Variants in DCAF1 observed in about 807,000 individuals in gnomAD.
DCAF1 encodes DDB1- and CUL4-associated factor 1.
A neutral mutation model predicts 128.0 loss-of-function variants in DCAF1; 15 were observed. The observed-to-expected ratio is 0.12, with a 90% CI of 0.08 to 0.18. DCAF1 has a LOEUF of 0.18. DCAF1 is among the 10% of genes least tolerant of loss of function. The pLI is 1.00. For synonymous variants in DCAF1, 610 were observed against 603.0 expected (o/e 1.01, Z -0.17); for missense variants, 988 against 1,649.5 (o/e 0.60, Z 6.95).
chr3:51,435,872 CA>C (rs1265893442), intron 9 of DCAF1, among the ~76,000 whole-genome samples: 2 of 152,010 alleles, frequency 1.3e-5, no homozygotes, highest in African/African-American at 4.8e-5. Flanking sequence ...CAGCAAAGAA[CA>C]AAGACAAAAA....
intron 2 of DCAF1, among the ~76,000 whole-genome samples, chr3:51,484,774 T>C (rs1420615359): frequency 9.4e-5 from 12 of 127,454 alleles, no homozygotes; most frequent in African/African-American, 2.1e-4. Context: ...CCTCCACCTC[T>C]CGGGTTCAAG....
At chr3:51,480,512 T>G (rs898226514) in intron 3 of DCAF1, among the ~76,000 whole-genome samples, 2 of 151,184 alleles carry the variant, frequency 1.3e-5, no homozygotes, top group Admixed American at 6.6e-5. Context: ...GGCAGGAGAA[T>G]TGCTTGAAGC....
Position 51,419,996 on chromosome 3 carries a change from T to G in DCAF1, c.2974A>C (p.Lys992Gln). The G allele has an allele frequency of 6.2e-7, 1 of 1,614,046 alleles. No individual in the cohort carries two copies. Among genetic ancestry groups the G allele is most frequent in the Non-Finnish European group, 8.5e-7 (1 of 1,179,898 alleles). The change falls in exon 15 of 25, where the codon AAA becomes CAA. Residue 992 changes from lysine (K) to glutamine (Q), a missense_variant. Lys to Gln is a moderately conservative substitution (Grantham distance 53, BLOSUM62 1). This residue lies in a region of DCAF1 where 105 missense variants were observed against 266.7 expected (regional missense o/e 0.39). Transcript: ENST00000684031. ...GAAGGAAGATGTCTGTCCAGCTGTTTTTTTATGGCTGGGCTTTGGCTGTAG... is the reference window on the plus strand; with the variant it reads ...GAAGGAAGATGTCTGTCCAGCTGTTGTTTTATGGCTGGGCTTTGGCTGTAG... ...GAYSQSPAIK[K>Q]QLDRHLPSPP...
rs1379095932 is a variant in DCAF1 at position 51,424,399 on chromosome 3, C to T, written c.1848-1968G>A. On this transcript the variant is annotated intron_variant, in intron 13 of 24. Transcript: ENST00000684031. ...GCCTGGGTGACAGAGCAAGACTCTG[C>T]CTCAAAAAAAAAAAAGAAAAAAAAA... Among the ~76,000 whole-genome samples the T allele has an allele frequency of 8.7e-5, 13 of 148,984 alleles. 1 individual carries two copies. The highest frequency in any genetic ancestry group is 8.7e-4 in the Admixed American group (13 of 14,922).
chr3:51,459,471 C>G (rs1703300059), intron 6 of DCAF1, among the ~76,000 whole-genome samples: 1 of 152,122 alleles, frequency 6.6e-6, no homozygotes. Flanking sequence ...CGAATTCTAC[C>G]AGAGGTACAA....
In DCAF1 at chr3:51,483,676, C is replaced by T. The variant is rs372389726; in HGVS notation, c.110+43G>A. The T allele has an allele frequency of 9.1e-5, 109 of 1,195,000 alleles. 1 individual carries two copies. In the East Asian group the frequency reaches 1.1e-3, roughly 13 times the overall value. The allele number at this position is 1,195,000 out of a possible 1,614,324, so 74.0% of individuals were successfully genotyped here. The stretch of plus-strand genomic sequence containing the variant: ...AGAAATCTAGCGTATGAGTTGTGTC[C>T]GAGGTTTTTTATTAAACTAGGTTTT... On this transcript the variant is annotated intron_variant, in intron 3 of 24. Coordinates refer to ENST00000684031, the MANE Select transcript of DCAF1 (RefSeq NM_001387579.1).
At chr3:51,416,965 A>G (rs1698940330) in intron 17 of DCAF1, 94 bp from the exon 18 acceptor site, 22 of 1,520,782 alleles carry the variant, frequency 1.4e-5, no homozygotes, top group Non-Finnish European at 1.8e-5. Context: ...CCTCTTGCAC[A>G]ATCACACTCA....
intron 2 of DCAF1, among the ~76,000 whole-genome samples, chr3:51,492,593 A>C (rs1707777324): frequency 6.6e-6 from 1 of 152,182 alleles, no homozygotes; most frequent in African/African-American, 2.4e-5. Context: ...CAAAACCATA[A>C]TGAGATATCA....
At chr3:51,470,334 G>A (rs1553648018) in intron 4 of DCAF1, among the ~76,000 whole-genome samples, 2 of 152,188 alleles carry the variant, frequency 1.3e-5, no homozygotes, top group Admixed American at 6.6e-5. Flanking sequence ...GCCCAGGCGG[G>A]AGGATAGCTT....
At chr3:51,504,397 G>T (rs1455038561), upstream of DCAF1, among the ~76,000 whole-genome samples, 1 of 151,906 alleles carries the variant, frequency 6.6e-6, no homozygotes, top group African/African-American at 2.4e-5. Context: ...CCCCAGGCTG[G>T]AGTGCAGTGA....
intron 16 of DCAF1, 32 bp from the exon 17 acceptor site, chr3:51,418,230 C>A (rs1553631111): frequency 1.9e-6 from 3 of 1,587,330 alleles, no homozygotes; most frequent in Non-Finnish European, 2.6e-6. Context: ...TGGGTAACCA[C>A]GTATTTACAT....
intron 6 of DCAF1, among the ~76,000 whole-genome samples, chr3:51,456,211 T>C (rs1702886408): frequency 6.6e-6 from 1 of 152,176 alleles, no homozygotes; most frequent in Non-Finnish European, 1.5e-5. Context: ...CCGACCCTAA[T>C]ACTGCGCTTT....
Position 51,398,844 on chromosome 3 carries a change from G to T in DCAF1, c.4466-17C>A. ...AGCTGTCAGCTGAAAGGGAAGAAAA[G>T]GGAGAGACAAGATTACACACTAGGC... is the stretch of plus-strand genomic sequence containing the variant. On this transcript the variant is annotated splice_polypyrimidine_tract_variant and intron_variant, in intron 24 of 24. Transcript: ENST00000684031. The T allele has an allele frequency of 6.3e-7, 1 of 1,575,426 alleles. No homozygotes were observed. The highest frequency in any genetic ancestry group is 1.2e-5 in the South Asian group (1 of 85,624).
At position 51,420,836 on chromosome 3, in the gene DCAF1, G is replaced by A. The variant is rs1414293595; in HGVS notation, c.2134C>T (p.Pro712Ser). 6.2e-7 allele frequency: 1 copy of A among 1,613,874 alleles called. No homozygotes were observed. The highest frequency in any genetic ancestry group is 2.2e-5 in the East Asian group (1 of 44,892). The change falls in exon 15 of 25, where the codon CCT becomes TCT. Residue 712 changes from proline to serine, a missense_variant. By Grantham distance (74) the Pro-to-Ser change is moderately conservative. Around this residue, in one of 11 missense-constraint regions of DCAF1, gnomAD observed 185 missense variants for 248.1 expected, o/e 0.75. Transcript: ENST00000684031. This position sits in a 1 kb window ranked among gnomAD's most constrained non-coding sequence, Gnocchi z 6.5. ...FISGTPRRKL[P>S]QNPKSSEHTL... ...TGCTCACTGCTTTTAGGGTTCTGAG[G>A]CAGCTTTCTCCGAGGAGTACCAGAG...
At chr3:51,500,120 A>G (rs1559596396), upstream of DCAF1, 500 of 42,096 alleles carry the variant, frequency 0.012, 14 homozygotes, top group Non-Finnish European at 0.026. Flanking sequence ...ATCGGGGAAA[A>G]AAAAAAAAAA....
downstream of DCAF1, chr3:51,396,185 T>C (rs201828759): frequency 5.1e-5 from 19 of 369,364 alleles, no homozygotes; most frequent in East Asian, 7.4e-4. Context: ...ATCATCTACC[T>C]CCCAGCTTTG....
At chr3:51,461,368 T>C (rs1402218686) in intron 6 of DCAF1, among the ~76,000 whole-genome samples, 3 of 152,176 alleles carry the variant, frequency 2.0e-5, no homozygotes, top group African/African-American at 7.2e-5. Context: ...TGAGATACCA[T>C]GTCACACCAG....
chr3:51,460,531 G>A (rs1309431953), intron 6 of DCAF1, among the ~76,000 whole-genome samples: 5 of 152,202 alleles, frequency 3.3e-5, no homozygotes, highest in African/African-American at 1.2e-4. Context: ...AGCTACCAAT[G>A]ACTTTCTTCA....
the DCAF1 span, among the ~76,000 whole-genome samples, chr3:51,505,600 C>T: frequency 2.0e-5 from 3 of 152,186 alleles, no homozygotes; most frequent in African/African-American, 7.2e-5. Context: ...TGAGGGGAGC[C>T]CCCTCTGCCC....
Sources: allele counts gnomAD v4.1 joint callset (sites outside exome capture counted in the v4.1 genomes callset), GRCh38; gene constraint gnomAD v4.1.1; regional missense constraint gnomAD v4.1.1; non-coding constraint Gnocchi (gnomAD v3.1); transcripts MANE v1.5; gene names NCBI Gene and HGNC (gene_info 2026-07-23, HGNC 2026-07-21).